The following MAP3K7 variants were observed in gnomAD, a reference collection of about 807,000 sequenced individuals.
MAP3K7 encodes the protein TGF-beta activated kinase 1.
In MAP3K7, 21 loss-of-function variants were observed where a neutral mutation model predicts 84.8. The observed-to-expected ratio is 0.25, with a 90% CI of 0.18 to 0.36. The LOEUF (loss-of-function observed/expected upper bound fraction) is 0.36, where lower values mean the gene tolerates loss of function less well. Ranked by LOEUF, MAP3K7 falls within the 10% of genes least tolerant of loss-of-function variation. The pLI, the probability that MAP3K7 is intolerant of heterozygous loss-of-function variation, is 1.00. For missense variants in MAP3K7, 503 were observed against 747.7 expected (o/e 0.67, Z 3.82); for synonymous variants, 241 against 247.7 (o/e 0.97, Z 0.25).
chr6:90,553,766 T>TTAAGTATC (rs1776252525), intron 6 of MAP3K7, among the ~76,000 whole-genome samples, 180 bp from the exon 7 acceptor site: 1 of 152,242 alleles, frequency 6.6e-6, no homozygotes, highest in Non-Finnish European at 1.5e-5. Flanking sequence ...TTTAAATGAA[T>TTAAGTATC]TAAGTATCAA....
At chr6:90,586,492 A>C (rs1053529818) in intron 1 of MAP3K7, among the ~76,000 whole-genome samples, 1 of 152,048 alleles carries the variant, frequency 6.6e-6, no homozygotes, top group African/African-American at 2.4e-5. Context: ...GGACCACACT[A>C]TCTCACCAGT....
intron 1 of MAP3K7, among the ~76,000 whole-genome samples, chr6:90,578,870 C>T (rs768668172): frequency 6.6e-6 from 1 of 152,130 alleles, no homozygotes; most frequent in Non-Finnish European, 1.5e-5. Context: ...ATCTGTATAA[C>T]GATAATGCAA....
chr6:90,547,484 T>A (rs758650476), intron 10 of MAP3K7, 97 bp from the exon 11 acceptor site: 1 of 1,350,526 alleles, frequency 7.4e-7, no homozygotes. Context: ...GGGATTCTGA[T>A]AGATCCTGTT....
Position 90,515,306 on chromosome 6 carries a change from TTCAG to T in MAP3K7, c.*1191_*1194del, listed in dbSNP as rs1774923808. On this transcript the variant is annotated 3_prime_UTR_variant, in exon 17 of 17. Coordinates refer to ENST00000369329, the MANE Select transcript of MAP3K7 (RefSeq NM_145331.3). ...ATATAGAGTTTGTATAGTCTATTAT[TTCAG>T]TGTCATTTTATTATTAAAGTTATTC... 6.6e-6 allele frequency: 1 copy of T among 152,046 alleles called. No individual in the cohort carries two copies. The highest frequency in any genetic ancestry group is 2.4e-5 in the African/African-American group (1 of 41,444). 9.4% of individuals were successfully genotyped at this position (152,046 alleles called of 1,614,324 possible). A position where few individuals can be genotyped will look rare whatever the true frequency, so the allele number is the denominator to read the frequency against.
rs549128142 is a variant in MAP3K7 at position 90,553,568 on chromosome 6, T to G, written c.626A>C (p.Lys209Thr). Residue 209 changes from lysine to threonine, a missense_variant, in exon 7 of 17, where the codon AAA (lysine) becomes ACA (threonine). Lys to Thr is a moderately conservative substitution (Grantham distance 78). Transcript: ENST00000369329. The stretch of plus-strand genomic sequence containing the variant: ...AATACCCCAGCTGAAGACGTCACAT[T>G]TTTCACTGTAATTACTACCTAGAAA... ...EVFEGSNYSEKCDVFSWGIIL... is the reference protein window; with the variant it reads ...EVFEGSNYSETCDVFSWGIIL... The G allele has an allele frequency of 3.1e-6, 5 of 1,612,788 alleles. No individual in the cohort carries two copies. The highest frequency in any genetic ancestry group is 3.4e-6 in the Non-Finnish European group (4 of 1,179,638).
chr6:90,533,925 T>C (rs1004571818), intron 13 of MAP3K7, among the ~76,000 whole-genome samples: 6 of 152,186 alleles, frequency 3.9e-5, no homozygotes, highest in African/African-American at 1.4e-4. Context: ...GCTTCCTGAA[T>C]TAATGAAAAA....
At chr6:90,520,075 GACAGTCTCTTCTC>G (rs1775098101) in intron 14 of MAP3K7, among the ~76,000 whole-genome samples, 1 of 151,976 alleles carries the variant, frequency 6.6e-6, no homozygotes, top group African/African-American at 2.4e-5. Flanking sequence ...AGATGCGTGG[GACAGTCTCTTCTC>G]AACATTTATG....
At chr6:90,524,923 T>G (rs1297590510) in intron 13 of MAP3K7, among the ~76,000 whole-genome samples, 1 of 152,064 alleles carries the variant, frequency 6.6e-6, no homozygotes, top group Non-Finnish European at 1.5e-5. Context: ...ATGTTAAAAT[T>G]TCAAAGGTAT....
In MAP3K7 at chr6:90,586,980, G is replaced by A; in HGVS notation, c.-97C>T. On this transcript the variant is annotated 5_prime_UTR_variant, in exon 1 of 17. Coordinates refer to ENST00000369329, the MANE Select transcript of MAP3K7 (RefSeq NM_145331.3). ...CGCCTCCGGACCGACCCTCAGCCTG[G>A]AGCCGCGCAGTCCTACTACCCGGCG... is the stretch of plus-strand genomic sequence containing the variant. The A allele has an allele frequency of 1.5e-6, 2 of 1,373,268 alleles. No homozygotes were observed. The highest frequency in any genetic ancestry group is 1.9e-6 in the Non-Finnish European group (2 of 1,053,634). 85.1% of individuals were successfully genotyped at this position (1,373,268 alleles called of 1,614,324 possible).
intron 4 of MAP3K7, among the ~76,000 whole-genome samples, 161 bp downstream of exon 4, chr6:90,561,461 A>T (rs1776511959): frequency 6.6e-6 from 1 of 152,170 alleles, no homozygotes; most frequent in Non-Finnish European, 1.5e-5. Context: ...ATGTTATAGA[A>T]TCTTATCTTT....
chr6:90,547,367 G>A lies in MAP3K7; in HGVS notation c.1101C>T (p.Ser367=). 6.2e-7 allele frequency: 1 copy of A among 1,611,430 alleles called. No homozygotes were observed. Among genetic ancestry groups the A allele is most frequent in the Non-Finnish European group, 8.5e-7 (1 of 1,179,110 alleles). Residue 367 remains serine (S), a synonymous_variant, in exon 11 of 17, where the codon AGC becomes AGT. Transcript: ENST00000369329. ...AKQQSESGRL[S]LGASRGSSVE... is the part of the protein sequence containing the mutation. ...CACTGCTCCCACGGGAGGCTCCCAA[G>A]CTTAAACGTCCAGATTCACTCTGTT... is the stretch of plus-strand genomic sequence containing the variant.
In MAP3K7 at chr6:90,550,230, C is replaced by T. The variant is rs566360489; in HGVS notation, c.949+238G>A. Reference sequence around the variant, plus strand: ...CATTCACTGTAATACAATATGCCATCTTTTTATTCATAATTATGTAGGAAT... The same window carrying T: ...CATTCACTGTAATACAATATGCCATTTTTTTATTCATAATTATGTAGGAAT... On this transcript the variant is annotated intron_variant, in intron 9 of 16. Transcript: ENST00000369329. Among the ~76,000 whole-genome samples, 22 of 152,184 alleles carry T rather than the reference C, an allele frequency of 1.4e-4. No homozygotes were observed. In the South Asian group the frequency reaches 4.3e-3, roughly 30 times the overall value.
At chr6:90,517,652 C>A (rs1775008859) in intron 16 of MAP3K7, among the ~76,000 whole-genome samples, 1 of 151,806 alleles carries the variant, frequency 6.6e-6, no homozygotes, top group Non-Finnish European at 1.5e-5. Flanking sequence ...TTTAGGCTTA[C>A]CTTTCAAATA....
At chr6:90,535,228 T>A (rs1419156599) in intron 13 of MAP3K7, among the ~76,000 whole-genome samples, 2 of 152,154 alleles carry the variant, frequency 1.3e-5, no homozygotes, top group South Asian at 2.1e-4. Flanking sequence ...TTGATGGGTA[T>A]AAAAGACTTT....
chr6:90,585,523 T>A (rs887082046), intron 1 of MAP3K7, among the ~76,000 whole-genome samples: 1 of 152,164 alleles, frequency 6.6e-6, no homozygotes, highest in African/African-American at 2.4e-5. Flanking sequence ...TTAATAAATT[T>A]AAAAAATGGC....
At chr6:90,550,757 T>G (rs1017628579) in intron 8 of MAP3K7, 2 of 413,864 alleles carry the variant, frequency 4.8e-6, no homozygotes, top group Non-Finnish European at 8.7e-6. Flanking sequence ...GGAGTCTAGA[T>G]AGTCTTGAAG....
In MAP3K7 at chr6:90,568,624, C is replaced by A; in HGVS notation, c.232-1G>T. The A allele has an allele frequency of 6.2e-7, 1 of 1,605,334 alleles. No individual in the cohort carries two copies. Among genetic ancestry groups the A allele is most frequent in the Non-Finnish European group, 8.5e-7 (1 of 1,177,388 alleles). On this transcript the variant is annotated splice_acceptor_variant, in intron 2 of 16. Transcript: ENST00000369329. LOFTEE classifies it high-confidence loss of function. ...GGTTCACACGGGATAACTGCCGAAG[C>A]TGTTAAGAAATTAAGGTTTCTTTTA... is the stretch of plus-strand genomic sequence containing the variant.
intron 14 of MAP3K7, 99 bp from the exon 15 acceptor site, chr6:90,519,418 A>G (rs1775076119): frequency 1.4e-6 from 1 of 722,596 alleles, no homozygotes; most frequent in African/African-American, 1.9e-5. Context: ...CCTAAAGTAA[A>G]TAATATGTAA....
Position 90,553,597 on chromosome 6 carries a change from A to G in MAP3K7, c.608-11T>C. On this transcript the variant is annotated splice_polypyrimidine_tract_variant and intron_variant, in intron 6 of 16. Coordinates refer to ENST00000369329, the MANE Select transcript of MAP3K7 (RefSeq NM_145331.3). ...CACTGTAATTACTACCTAGAAAAAA[A>G]AAAGGTAGTATATAACCTAAAGACT... 1 of 1,595,452 alleles carries G rather than the reference A, an allele frequency of 6.3e-7. No homozygotes were observed. The highest frequency in any genetic ancestry group is 8.5e-7 in the Non-Finnish European group (1 of 1,174,544).
Sources: allele counts gnomAD v4.1 joint callset (sites outside exome capture counted in the v4.1 genomes callset), GRCh38; gene constraint gnomAD v4.1.1; transcripts MANE v1.5; gene names NCBI Gene and HGNC (gene_info 2026-07-23, HGNC 2026-07-21).